NSUN4: variants seen among roughly 807,000 people sequenced by gnomAD.
NSUN4 encodes the protein 5-cytosine rRNA methyltransferase NSUN4.
In NSUN4, 31 loss-of-function variants were observed where a neutral mutation model predicts 43.8. That is an observed-to-expected ratio of 0.71 (90% CI 0.53 to 0.96). NSUN4 has a LOEUF of 0.96. Among genes scored for constraint, NSUN4 ranks in the 40% least tolerant of loss-of-function variants. The pLI, the probability that NSUN4 is intolerant of heterozygous loss-of-function variation, is 0.00. For synonymous variants in NSUN4, 167 were observed against 184.1 expected, an observed-to-expected ratio of 0.91 and a Z score of 0.75; for missense variants, 439 against 475.6, an observed-to-expected ratio of 0.92 and a Z score of 0.72.
At chr1:46,358,745 T>C (rs1378025024) in intron 4 of NSUN4, among the ~76,000 whole-genome samples, 3 of 152,198 alleles carry the variant, frequency 2.0e-5, no homozygotes, top group Non-Finnish European at 4.4e-5. Context: ...TTTCTTTCAC[T>C]GTGGGGTCTC....
chr1:46,377,573 C>T, the NSUN4 span, among the ~76,000 whole-genome samples: 1 of 152,202 alleles, frequency 6.6e-6, no homozygotes, highest in African/African-American at 2.4e-5. Flanking sequence ...TTATGGCAGA[C>T]AAGCTGACTC....
At chr1:46,345,251 T>C in intron 2 of NSUN4, 107 bp downstream of exon 2, 3 of 801,322 alleles carry the variant, frequency 3.7e-6, no homozygotes, top group Non-Finnish European at 5.8e-6. Flanking sequence ...ATTGCTAATA[T>C]TTATGGCATG....
At chr1:46,371,165 C>G in the NSUN4 span, among the ~76,000 whole-genome samples, 1 of 144,090 alleles carries the variant, frequency 6.9e-6, no homozygotes, top group African/African-American at 2.6e-5. Flanking sequence ...GAGACAGAGT[C>G]TTGCTTTGTT....
At chr1:46,345,321 TCAG>T in intron 2 of NSUN4, 177 bp downstream of exon 2, 1 of 556,588 alleles carries the variant, frequency 1.8e-6, no homozygotes, top group Non-Finnish European at 3.2e-6. Flanking sequence ...TTTTGTTCTG[TCAG>T]CAGCCTTATG....
At chr1:46,377,162 G>T in the NSUN4 span, among the ~76,000 whole-genome samples, 16 of 151,842 alleles carry the variant, frequency 1.1e-4, no homozygotes, top group Admixed American at 9.2e-4. Flanking sequence ...CAATTCTCAT[G>T]CCTCAGCCTC....
At chr1:46,366,630 A>T (rs1344249281), downstream of NSUN4, among the ~76,000 whole-genome samples, 1 of 142,598 alleles carries the variant, frequency 7.0e-6, no homozygotes, top group Non-Finnish European at 1.5e-5. Flanking sequence ...AGGCCAAGGC[A>T]GGTGGATCAC....
chr1:46,384,833 G>A, the NSUN4 span, among the ~76,000 whole-genome samples: 11 of 152,182 alleles, frequency 7.2e-5, no homozygotes, highest in Non-Finnish European at 1.2e-4. Context: ...ACCCTTTGAC[G>A]AGAACATGAT....
At chr1:46,351,364 A>C (rs1331837172) in intron 3 of NSUN4, among the ~76,000 whole-genome samples, 1 of 152,160 alleles carries the variant, frequency 6.6e-6, no homozygotes, top group African/African-American at 2.4e-5. Flanking sequence ...AACTAAAGAA[A>C]GGTTGAGAAA....
At chr1:46,341,007 C>T in intron 1 of NSUN4, 88 bp downstream of exon 1, 2 of 1,309,366 alleles carry the variant, frequency 1.5e-6, no homozygotes, top group Non-Finnish European at 2.1e-6. Flanking sequence ...GAACGCCTAG[C>T]GTCTTTCCCA....
intron 1 of NSUN4, 37 bp downstream of exon 1, chr1:46,340,956 G>GGGT: frequency 6.4e-7 from 1 of 1,550,882 alleles, no homozygotes; most frequent in Non-Finnish European, 8.8e-7. Flanking sequence ...GGAAAAGTGA[G>GGGT]GGTGGAAACT....
At chr1:46,347,180 G>A (rs41294460) in intron 3 of NSUN4, 105 bp downstream of exon 3, 314,665 of 1,220,900 alleles carry the variant, frequency 0.26, 44,295 homozygotes, top group Non-Finnish European at 0.29. Context: ...GCTCCCGCCT[G>A]TAATCCCAGC....
chr1:46,360,780 G>A lies in NSUN4; in HGVS notation c.830G>A (p.Arg277Lys), dbSNP rs750103271. The A allele has an allele frequency of 6.2e-7, 1 of 1,614,066 alleles. No individual in the cohort carries two copies. Among genetic ancestry groups the A allele is most frequent in the Non-Finnish European group, 8.5e-7 (1 of 1,179,918 alleles). The part of the protein sequence containing the change: ...EEENNIFKRS[R>K]KKERQILPVL... ...GAGAACAACATCTTTAAGCGGTCAA[G>A]GAAGAAGGAGCGACAGATATTGCCT... The change falls in exon 5 of 6, where the codon AGG becomes AAG. Residue 277 changes from arginine to lysine, a missense_variant. Coordinates refer to ENST00000474844, the MANE Select transcript of NSUN4 (RefSeq NM_199044.4).
intron 1 of NSUN4, 175 bp downstream of exon 1, chr1:46,341,094 C>A: frequency 8.3e-7 from 1 of 1,203,384 alleles, no homozygotes; most frequent in Non-Finnish European, 1.1e-6. Context: ...CTCTATGTCC[C>A]GAGCGTTAGT....
At position 46,364,671 on chromosome 1, in the gene NSUN4, C is replaced by T. The variant is rs1283832410; in HGVS notation, c.*2825C>T. 2.6e-5 allele frequency: 4 copies of T among 152,108 alleles called. No individual in the cohort carries two copies. Among genetic ancestry groups the T allele is most frequent in the African/African-American group, 4.8e-5 (2 of 41,410 alleles). The allele number at this position is 152,108 out of a possible 1,614,324, so 9.4% of individuals were successfully genotyped here. ...TGGGCGACAGCAAGAGACTTCATTT[C>T]GATAAATAAGTAAATAAATAAATAA... On this transcript the variant is annotated 3_prime_UTR_variant, in exon 6 of 6. Coordinates refer to ENST00000474844, the MANE Select transcript of NSUN4 (RefSeq NM_199044.4).
At chr1:46,349,049 G>A (rs1662767350) in intron 3 of NSUN4, among the ~76,000 whole-genome samples, 1 of 151,302 alleles carries the variant, frequency 6.6e-6, no homozygotes, top group South Asian at 2.1e-4. Flanking sequence ...TCCTGACCTC[G>A]CAATCCACCC....
At chr1:46,381,660 T>C in the NSUN4 span, among the ~76,000 whole-genome samples, 3 of 152,158 alleles carry the variant, frequency 2.0e-5, no homozygotes, top group Admixed American at 2.0e-4. Context: ...TATATATTAT[T>C]TTCCCTTTGA....
chr1:46,343,940 A>C (rs2148363112), intron 1 of NSUN4: 1 of 396,922 alleles, frequency 2.5e-6, no homozygotes, highest in East Asian at 3.6e-5. Context: ...TCACCATAAC[A>C]AGAAATGAGG....
At chr1:46,371,807 G>A in the NSUN4 span, among the ~76,000 whole-genome samples, 1 of 152,118 alleles carries the variant, frequency 6.6e-6, no homozygotes, top group Non-Finnish European at 1.5e-5. Flanking sequence ...GCAGGAGCAA[G>A]CAAGTGGGGG....
Position 46,344,979 on chromosome 1 carries a change from A to G in NSUN4, c.272A>G (p.Glu91Gly). ...TGGGATCATGTAAGTGCTAAGCTGG[A>G]GCAGCTGAGTGCCAAGGATTTTGTG... ...AAWDHVSAKL[E>G]QLSAKDFVNE... Residue 91 changes from glutamate (E) to glycine (G), a missense_variant, in exon 2 of 6, where the codon GAG (glutamate) becomes GGG (glycine). Coordinates refer to ENST00000474844, the MANE Select transcript of NSUN4 (RefSeq NM_199044.4). 1.2e-6 allele frequency: 2 copies of G among 1,614,240 alleles called. No individual in the cohort carries two copies. The highest frequency in any genetic ancestry group is 2.2e-5 in the South Asian group (2 of 91,086).
Sources: gnomAD v4.1 joint callset for allele counts (sites outside exome capture counted in the v4.1 genomes callset) on GRCh38, gnomAD v4.1.1 for gene constraint, MANE v1.5 for transcripts, NCBI Gene and HGNC (gene_info 2026-07-23, HGNC 2026-07-21) for gene names.